KIF26B: variants seen among roughly 807,000 people sequenced by gnomAD.
KIF26B encodes kinesin-like protein KIF26B.
Under a neutral mutation model 151.2 loss-of-function variants are expected in KIF26B, and 63 were observed. That is an observed-to-expected ratio of 0.42 (90% confidence interval 0.34 to 0.51). The LOEUF is 0.51. KIF26B is among the 20% of genes least tolerant of loss of function. KIF26B has a pLI of 0.07. For missense variants in KIF26B, 2,813 were observed against 2,913.6 expected (o/e 0.97, Z 0.79); for synonymous variants, 1,357 against 1,262.1 (o/e 1.08, Z -1.59).
At chr1:245,361,422 C>T (rs902381874) in intron 2 of KIF26B, among the ~76,000 whole-genome samples, 4 of 152,190 alleles carry the variant, frequency 2.6e-5, no homozygotes, top group African/African-American at 9.6e-5. Flanking sequence ...TCTCTGTGAA[C>T]TTATTACCCA....
intron 2 of KIF26B, among the ~76,000 whole-genome samples, chr1:245,293,467 G>A (rs1416907769): frequency 6.6e-6 from 1 of 152,118 alleles, no homozygotes; most frequent in Non-Finnish European, 1.5e-5. Flanking sequence ...CAGCCCTGGT[G>A]GCTTCCAGGT....
At chr1:245,496,870 A>G (rs368456000) in intron 4 of KIF26B, among the ~76,000 whole-genome samples, 10 of 152,350 alleles carry the variant, frequency 6.6e-5, no homozygotes, top group South Asian at 6.2e-4. Context: ...TATACCTTGT[A>G]AATGCCAACC....
chr1:245,685,191 G>A (rs541324075), intron 11 of KIF26B, among the ~76,000 whole-genome samples: 4 of 152,364 alleles, frequency 2.6e-5, no homozygotes, highest in South Asian at 4.1e-4. Flanking sequence ...TTTCCCCAGC[G>A]TGCCACACGG....
At chr1:245,447,486 G>A (rs1659273730) in intron 4 of KIF26B, among the ~76,000 whole-genome samples, 1 of 152,232 alleles carries the variant, frequency 6.6e-6, no homozygotes, top group African/African-American at 2.4e-5. Context: ...TTTAGGAGGG[G>A]ATCAGGTCTC....
chr1:245,510,975 C>T, intron 4 of KIF26B: 1 of 657,698 alleles, frequency 1.5e-6, no homozygotes, highest in Non-Finnish European at 2.8e-6. Context: ...AGCCTTTCCT[C>T]CTTCACCTTC....
chr1:245,279,158 T>G (rs1037979046), intron 2 of KIF26B, among the ~76,000 whole-genome samples: 1 of 152,062 alleles, frequency 6.6e-6, no homozygotes, highest in Non-Finnish European at 1.5e-5. Context: ...TCCCAGGTAG[T>G]TTTGGAGCCA....
intron 2 of KIF26B, among the ~76,000 whole-genome samples, chr1:245,168,912 A>C (rs1668658921): frequency 6.6e-6 from 1 of 152,198 alleles, no homozygotes. Flanking sequence ...TCATTTAGCC[A>C]AGGTTGCCTC....
intron 4 of KIF26B, among the ~76,000 whole-genome samples, chr1:245,474,021 C>T (rs1275259579): frequency 6.6e-6 from 1 of 151,598 alleles, no homozygotes; most frequent in Non-Finnish European, 1.5e-5. Context: ...ATGCTAGAAA[C>T]ATTTGAGTTC....
chr1:245,444,415 G>C (rs1449112885), intron 4 of KIF26B, among the ~76,000 whole-genome samples: 1 of 152,126 alleles, frequency 6.6e-6, no homozygotes, highest in South Asian at 2.1e-4. Flanking sequence ...AAGCAGCAGC[G>C]TGGCGACCTA....
At chr1:245,444,287 G>A (rs768481343) in intron 4 of KIF26B, among the ~76,000 whole-genome samples, 1 of 152,192 alleles carries the variant, frequency 6.6e-6, no homozygotes, top group Non-Finnish European at 1.5e-5. Context: ...CCTTTTCAGC[G>A]GCCCTCCAGG....
chr1:245,210,966 C>T (rs1302095344), intron 2 of KIF26B, among the ~76,000 whole-genome samples: 1 of 152,156 alleles, frequency 6.6e-6, no homozygotes, highest in Non-Finnish European at 1.5e-5. Flanking sequence ...CTTGGGACAC[C>T]ACAGCGTTAT....
intron 4 of KIF26B, among the ~76,000 whole-genome samples, chr1:245,514,945 C>T (rs544830902): frequency 6.6e-5 from 10 of 152,178 alleles, no homozygotes; most frequent in Admixed American, 1.3e-4. Flanking sequence ...CTCCTGTCAG[C>T]GGTAGGTCTG....
intron 2 of KIF26B, among the ~76,000 whole-genome samples, chr1:245,316,172 T>C (rs980076777): frequency 6.6e-6 from 1 of 152,056 alleles, no homozygotes; most frequent in Admixed American, 6.6e-5. Context: ...GTTTCATTCT[T>C]GTTGCCCAGG....
At chr1:245,633,316 CTA>C (rs2043801505) in intron 9 of KIF26B, among the ~76,000 whole-genome samples, 1 of 147,758 alleles carries the variant, frequency 6.8e-6, no homozygotes, top group Admixed American at 6.7e-5. Context: ...TTCATCTTGT[CTA>C]TATTTTTTAC....
At chr1:245,370,755 A>G (rs1291379738) in intron 3 of KIF26B, 4 of 403,914 alleles carry the variant, frequency 9.9e-6, no homozygotes, top group Non-Finnish European at 2.0e-5. Context: ...ACGGCCGATT[A>G]GGGATTATTT....
intron 2 of KIF26B, chr1:245,206,802 A>G (rs971919300): frequency 6.6e-6 from 1 of 152,258 alleles, no homozygotes; most frequent in Non-Finnish European, 1.5e-5. Flanking sequence ...TCCTAAAAAA[A>G]TTAAATATCT....
rs554914594 is a variant in KIF26B at position 245,303,348 on chromosome 1, G to A, written c.466-63486G>A. On this transcript the variant is annotated intron_variant, in intron 2 of 14. Coordinates refer to ENST00000407071, the MANE Select transcript of KIF26B (RefSeq NM_018012.4). ...CGAGTAGCTGGGACTACAGGTGCCC[G>A]CCACCACGCCCGGCTAATTTTTTGT... is the stretch of plus-strand genomic sequence containing the variant. Among the ~76,000 whole-genome samples, 577 of 151,144 alleles carry A rather than the reference G, an allele frequency of 3.8e-3. 8 individuals are homozygous for A. Among genetic ancestry groups the A allele is most frequent in the African/African-American group, 0.012 (490 of 40,950 alleles).
chr1:245,468,700 G>A (rs1396092328), intron 4 of KIF26B, among the ~76,000 whole-genome samples: 1 of 150,902 alleles, frequency 6.6e-6, no homozygotes, highest in African/African-American at 2.5e-5. Flanking sequence ...AGAGAGAGAG[G>A]TGAGGGAGGG....
chr1:245,388,306 A>G (rs1279102567), intron 3 of KIF26B, among the ~76,000 whole-genome samples: 1 of 152,198 alleles, frequency 6.6e-6, no homozygotes, highest in Non-Finnish European at 1.5e-5. Context: ...AAGGAATAGG[A>G]AAAGTACATA....
Sources: gnomAD v4.1 joint callset for allele counts (sites outside exome capture counted in the v4.1 genomes callset) on GRCh38, gnomAD v4.1.1 for gene constraint, MANE v1.5 for transcripts, NCBI Gene and HGNC (gene_info 2026-07-23, HGNC 2026-07-21) for gene names.